Variants in MTUS2 observed in about 807,000 individuals in gnomAD.
MTUS2 encodes microtubule-associated tumor suppressor candidate 2.
Under a neutral mutation model 114.1 loss-of-function variants are expected in MTUS2, and 40 were observed. That is an observed-to-expected ratio of 0.35 (90% CI 0.27 to 0.46). MTUS2 has a LOEUF of 0.46. Ranked by LOEUF, MTUS2 falls within the 20% of genes least tolerant of loss-of-function variation. The pLI, the probability that MTUS2 is intolerant of heterozygous loss-of-function variation, is 1.00. For synonymous variants in MTUS2, 688 were observed against 672.0 expected (o/e 1.02, Z -0.37); for missense variants, 1,679 against 1,705.4 (o/e 0.98, Z 0.27).
intron 4 of MTUS2, among the ~76,000 whole-genome samples, chr13:29,099,007 T>A (rs1275579983): frequency 6.6e-6 from 1 of 152,248 alleles, no homozygotes; most frequent in Non-Finnish European, 1.5e-5. Context: ...TTAGCAACTC[T>A]TTTCCTGTTC....
chr13:29,024,958 G>A lies in MTUS2; in HGVS notation c.260G>A (p.Gly87Asp). The A allele has an allele frequency of 1.2e-6, 2 of 1,613,634 alleles. No homozygotes were observed. Among genetic ancestry groups the A allele is most frequent in the Non-Finnish European group, 1.7e-6 (2 of 1,179,764 alleles). ...CACCAACTTCAGGGCTTTGGGAAAG[G>A]CTCTCAGGCTGGCTCTGCCAGCCTG... ...EFHQLQGFGK[G>D]SQAGSASLKD... Residue 87 changes from glycine (G) to aspartate (D), a missense_variant, in exon 3 of 16, where the codon GGC becomes GAC. Gly to Asp is a moderately conservative substitution (Grantham distance 94). Around this residue, in one of 3 missense-constraint regions of MTUS2, gnomAD observed 843 missense variants for 770.8 expected, o/e 1.09. Transcript: ENST00000612955.
At chr13:28,916,860 G>A (rs1028192504) in intron 2 of MTUS2, among the ~76,000 whole-genome samples, 1 of 151,598 alleles carries the variant, frequency 6.6e-6, no homozygotes, top group Non-Finnish European at 1.5e-5. Flanking sequence ...CTTAGAGAAA[G>A]GCTTTCAGTT....
At chr13:28,924,914 A>T (rs937452149) in intron 2 of MTUS2, among the ~76,000 whole-genome samples, 3 of 152,024 alleles carry the variant, frequency 2.0e-5, no homozygotes, top group African/African-American at 7.2e-5. Flanking sequence ...AAAAGGGTAC[A>T]CACATCGCCT....
At chr13:29,230,502 C>T (rs1290226087) in intron 5 of MTUS2, among the ~76,000 whole-genome samples, 2 of 152,202 alleles carry the variant, frequency 1.3e-5, no homozygotes, top group South Asian at 2.1e-4. Flanking sequence ...CTGGCATTAA[C>T]GTGCACAAAT....
At chr13:29,397,946 T>G (rs1035271433) in intron 8 of MTUS2, among the ~76,000 whole-genome samples, 1 of 152,202 alleles carries the variant, frequency 6.6e-6, no homozygotes, top group Admixed American at 6.5e-5. Flanking sequence ...AACATAATTG[T>G]TGTATTTTGT....
intron 10 of MTUS2, 54 bp from the exon 11 acceptor site, chr13:29,487,846 C>T (rs1881740098): frequency 2.2e-6 from 3 of 1,394,068 alleles, no homozygotes; most frequent in African/African-American, 1.4e-5. Flanking sequence ...CGGAATTCCA[C>T]TTCTGTTCTC....
At chr13:28,897,454 C>A (rs189044605) in intron 2 of MTUS2, among the ~76,000 whole-genome samples, 15 of 152,196 alleles carry the variant, frequency 9.9e-5, no homozygotes, top group African/African-American at 3.1e-4. Flanking sequence ...GTTGGTGGGA[C>A]GTAAACTAGT....
intron 6 of MTUS2, among the ~76,000 whole-genome samples, chr13:29,321,502 A>C (rs1900253549): frequency 6.6e-6 from 1 of 152,352 alleles, no homozygotes; most frequent in Admixed American, 6.5e-5. Context: ...AGACCATACA[A>C]GAGTTCTCCA....
chr13:29,141,294 G>A (rs1017772514), intron 5 of MTUS2, among the ~76,000 whole-genome samples: 5 of 152,176 alleles, frequency 3.3e-5, no homozygotes, highest in African/African-American at 1.2e-4. Context: ...TAAATAGAGG[G>A]TTGCCCAGGA....
intron 5 of MTUS2, among the ~76,000 whole-genome samples, chr13:29,227,827 A>G (rs1225283258): frequency 1.3e-5 from 2 of 152,214 alleles, no homozygotes; most frequent in Non-Finnish European, 2.9e-5. Flanking sequence ...GTGAAAAGAA[A>G]ACACATGCCA....
At chr13:29,295,892 C>T (rs551641267) in intron 6 of MTUS2, among the ~76,000 whole-genome samples, 200 of 152,222 alleles carry the variant, frequency 1.3e-3, no homozygotes, top group African/African-American at 4.6e-3. Flanking sequence ...GAGAACAGCA[C>T]GGGAAAAACT....
intron 5 of MTUS2, among the ~76,000 whole-genome samples, chr13:29,154,590 A>G (rs1892783822): frequency 6.6e-6 from 1 of 152,238 alleles, no homozygotes. Flanking sequence ...GGAATGCCAG[A>G]CAAAAAGCCA....
chr13:28,892,530 T>TA (rs547635138), intron 2 of MTUS2, among the ~76,000 whole-genome samples: 221 of 152,284 alleles, frequency 1.5e-3, no homozygotes, highest in African/African-American at 5.1e-3. Flanking sequence ...CCCACATTAT[T>TA]AAAAAAATTT....
At chr13:28,888,184 T>C (rs1334383639) in intron 2 of MTUS2, among the ~76,000 whole-genome samples, 1 of 152,238 alleles carries the variant, frequency 6.6e-6, no homozygotes, top group Non-Finnish European at 1.5e-5. Context: ...GTCTGAGTTC[T>C]TAATGGATTG....
chr13:29,251,522 C>T (rs1320309693), intron 5 of MTUS2, among the ~76,000 whole-genome samples: 4 of 152,118 alleles, frequency 2.6e-5, no homozygotes, highest in African/African-American at 4.8e-5. Context: ...TCTACCTCGA[C>T]GTTCTCATCA....
chr13:29,117,976 A>G (rs950866921), intron 5 of MTUS2, among the ~76,000 whole-genome samples: 1 of 152,216 alleles, frequency 6.6e-6, no homozygotes, highest in African/African-American at 2.4e-5. Context: ...TGGAGGTCAA[A>G]GAGCTGCTGC....
intron 7 of MTUS2, among the ~76,000 whole-genome samples, chr13:29,342,156 T>C (rs1490504835): frequency 1.3e-5 from 2 of 152,114 alleles, no homozygotes; most frequent in Non-Finnish European, 2.9e-5. Flanking sequence ...TCTATATGAA[T>C]TTTAGAATTG....
intron 2 of MTUS2, among the ~76,000 whole-genome samples, chr13:28,866,776 T>G (rs1209431851): frequency 6.6e-6 from 1 of 152,182 alleles, no homozygotes; most frequent in East Asian, 1.9e-4. Flanking sequence ...TTCCTCTGTC[T>G]TGTATTGTTT....
chr13:29,305,439 G>T (rs1303787240), intron 6 of MTUS2, among the ~76,000 whole-genome samples: 1 of 151,840 alleles, frequency 6.6e-6, no homozygotes, highest in Non-Finnish European at 1.5e-5. Flanking sequence ...TAAACAATCA[G>T]AAATGAAAAG....
Sources: allele counts gnomAD v4.1 joint callset (sites outside exome capture counted in the v4.1 genomes callset), GRCh38; gene constraint gnomAD v4.1.1; regional missense constraint gnomAD v4.1.1; transcripts MANE v1.5; gene names NCBI Gene and HGNC (gene_info 2026-07-23, HGNC 2026-07-21).